The following GGT6 variants were observed in gnomAD, a reference collection of about 807,000 sequenced individuals.
GGT6 encodes gamma-glutamyltransferase 6.
A neutral mutation model predicts 17.0 loss-of-function variants in GGT6; 13 were observed. The ratio of observed to expected loss-of-function variants is 0.77; its 90% CI spans 0.50 to 1.22. GGT6 has a LOEUF of 1.22. Ranked by LOEUF, GGT6 falls within the 50% of genes most tolerant of loss-of-function variation. The probability of loss-of-function intolerance (pLI) is 0.00; values close to 1 mark genes in which losing one functional copy is unlikely to be tolerated. For missense variants in GGT6, 628 were observed against 643.7 expected, an observed-to-expected ratio of 0.98 and a Z score of 0.26; for synonymous variants, 305 against 297.9, an observed-to-expected ratio of 1.02 and a Z score of -0.25.
rs1908298645 is a variant in GGT6 at position 4,558,117 on chromosome 17, G to A, written c.1398C>T (p.Pro466=). Residue 466 remains proline (P), a synonymous_variant, in exon 4 of 4, where the codon CCC becomes CCT. Coordinates refer to ENST00000381550, the MANE Select transcript of GGT6 (RefSeq NM_001288702.2). ...GCAGGGTCCCTTGGCCACAAGTGCT[G>A]GGATGCTCTGTTGGTTCTTGCTGAC... ...HQGQQEPTEH[P]STCGQGTLLQ... The A allele has an allele frequency of 1.2e-6, 2 of 1,612,622 alleles. No individual in the cohort carries two copies. The highest frequency in any genetic ancestry group is 2.7e-5 in the African/African-American group (2 of 74,936).
At chr17:4,560,075 G>A in intron 1 of GGT6, 2 of 572,456 alleles carry the variant, frequency 3.5e-6, no homozygotes, top group Non-Finnish European at 6.2e-6. Context: ...GCCCAGCCAG[G>A]CGTAGTCAGG....
Position 4,558,326 on chromosome 17 carries a change from C to T in GGT6, c.1189G>A (p.Ala397Thr), listed in dbSNP as rs1254916955. 1.2e-6 allele frequency: 2 copies of T among 1,611,096 alleles called. No individual in the cohort carries two copies. The highest frequency in any genetic ancestry group is 2.2e-5 in the East Asian group (1 of 44,892). Residue 397 changes from alanine to threonine, a missense_variant, in exon 4 of 4, where the codon GCC becomes ACC. Ala to Thr is a moderately conservative substitution (Grantham distance 58). Coordinates refer to ENST00000381550, the MANE Select transcript of GGT6 (RefSeq NM_001288702.2). ...GCCCAGGCACTAGTGGTAGACTTGG[C>T]CACCAGGTTGCTGAGCAGAACCCCA... Reference protein sequence around the residue: ...STGVLLSNLVAKSTTSAWACP... With the variant: ...STGVLLSNLVTKSTTSAWACP...
intron 3 of GGT6, 116 bp from the exon 4 acceptor site, chr17:4,559,173 A>C: frequency 7.3e-7 from 1 of 1,372,564 alleles, no homozygotes; most frequent in East Asian, 2.5e-5. Context: ...CCTGAGGTCA[A>C]AGTTCCACAG....
At position 4,559,700 on chromosome 17, in the gene GGT6, C is replaced by T. The variant is rs1479929336; in HGVS notation, c.201G>A (p.Leu67=). ...TCACAGCCAGGGAGCAGCCAACAGC[C>T]AGCAGCAGCAGGGCTGCCACTACAC... ...WARVVAALLL[L]AVGCSLAVRQ... Residue 67 remains leucine (L), a synonymous_variant, in exon 2 of 4, where the codon CTG becomes CTA. Transcript: ENST00000381550. 10 of 1,610,206 alleles carry T rather than the reference C, an allele frequency of 6.2e-6. No homozygotes were observed. The highest frequency in any genetic ancestry group is 8.5e-6 in the Non-Finnish European group (10 of 1,178,530).
In GGT6 at chr17:4,560,374, T is replaced by C; in HGVS notation, c.140+8A>G. 6.2e-7 allele frequency: 1 copy of C among 1,614,056 alleles called. No individual in the cohort carries two copies. Among genetic ancestry groups the C allele is most frequent in the South Asian group, 1.1e-5 (1 of 91,082 alleles). ...GGAGCCTGGTGCCCAGACCCCTCCC[T>C]TACTTACCTGGAAGAGTCCTGGTGC... On this transcript the variant is annotated splice_region_variant and intron_variant, in intron 1 of 3. Transcript: ENST00000381550.
chr17:4,558,677 G>C lies in GGT6; in HGVS notation c.838C>G (p.Leu280Val). ...AGGTCTCCCGCCAGTAGACTCAGTAGAGCATCCCCAGCAAGGTCTGAGGTG... is the reference window on the plus strand; with the variant it reads ...AGGTCTCCCGCCAGTAGACTCAGTACAGCATCCCCAGCAAGGTCTGAGGTG... ...APTSDLAGDA[L>V]LSLLAGDLGV... is the part of the protein sequence containing the mutation. Residue 280 changes from leucine (L) to valine (V), a missense_variant, in exon 4 of 4, where the codon CTA becomes GTA. Coordinates refer to ENST00000381550, the MANE Select transcript of GGT6 (RefSeq NM_001288702.2). 6.2e-7 allele frequency: 1 copy of C among 1,604,272 alleles called. No individual in the cohort carries two copies. Among genetic ancestry groups the C allele is most frequent in the South Asian group, 1.1e-5 (1 of 89,142 alleles).
Position 4,559,771 on chromosome 17 carries a change from G to C in GGT6, c.141-11C>G, listed in dbSNP as rs781489485. The C allele has an allele frequency of 2.5e-5, 40 of 1,608,960 alleles. No individual in the cohort carries two copies. The African/African-American group carries it at 3.5e-4, about 14-fold the overall frequency. On this transcript the variant is annotated splice_polypyrimidine_tract_variant and intron_variant, in intron 1 of 3. Coordinates refer to ENST00000381550, the MANE Select transcript of GGT6 (RefSeq NM_001288702.2). Reference sequence around the variant, plus strand: ...CCGCCAGCCTTGTTCCTGCAGAGGGGGGGTGTCCTGAGCCACGGCTGGGAC... The same window carrying C: ...CCGCCAGCCTTGTTCCTGCAGAGGGCGGGTGTCCTGAGCCACGGCTGGGAC...
At position 4,559,243 on chromosome 17, in the gene GGT6, C is replaced by G. The variant is rs1012170703; in HGVS notation, c.457+100G>C. On this transcript the variant is annotated intron_variant, in intron 3 of 3. Coordinates refer to ENST00000381550, the MANE Select transcript of GGT6 (RefSeq NM_001288702.2). ...TGCTGCCCAAACCCTAAGTCCTGCT[C>G]ACTTAGCAGTCTTGAGGTCAGTGCT... 126 of 1,190,118 alleles carry G rather than the reference C, an allele frequency of 1.1e-4. 2 individuals carry two copies. In the South Asian group the frequency reaches 1.3e-3, roughly 12 times the overall value. The allele number at this position is 1,190,118 out of a possible 1,614,324, so 73.7% of individuals were successfully genotyped here. A position where few individuals can be genotyped will look rare whatever the true frequency, so the allele number is the denominator to read the frequency against.
At position 4,558,346 on chromosome 17, in the gene GGT6, A is replaced by G; in HGVS notation, c.1169T>C (p.Val390Ala). ...CTTGGCCACCAGGTTGCTGAGCAGA[A>G]CCCCAGTGCTTGGGGACAGGTGTGC... Reference protein sequence around the residue: ...GSAHLSPSTGVLLSNLVAKST... With the variant: ...GSAHLSPSTGALLSNLVAKST... The change falls in exon 4 of 4, where the codon GTT becomes GCT. Residue 390 changes from valine to alanine, a missense_variant. Val to Ala is a moderately conservative substitution (Grantham distance 64). Coordinates refer to ENST00000381550, the MANE Select transcript of GGT6 (RefSeq NM_001288702.2). 1 of 1,608,944 alleles carries G rather than the reference A, an allele frequency of 6.2e-7. No homozygotes were observed. The highest frequency in any genetic ancestry group is 8.5e-7 in the Non-Finnish European group (1 of 1,179,990).
rs1171364054 is a variant in GGT6 at position 4,560,461 on chromosome 17, C to G, written c.61G>C (p.Glu21Gln). ...QKLLPWEPSL[E>Q]SEEEVEEEET... ...TCCTCCTCCACTTCCTCCTCCGACT[C>G]CAAGCTTGGCTCCCAGGGCAGCAGC... Residue 21 changes from glutamate to glutamine, a missense_variant, in exon 1 of 4, where the codon GAG becomes CAG. Physicochemically the swap from Glu to Gln is conservative, Grantham distance 29. Transcript: ENST00000381550. 2 of 1,613,874 alleles carry G rather than the reference C, an allele frequency of 1.2e-6. No individual in the cohort carries two copies. Among genetic ancestry groups the G allele is most frequent in the Non-Finnish European group, 1.7e-6 (2 of 1,180,034 alleles).
Position 4,559,700 on chromosome 17 carries a change from C to A in GGT6, c.201G>T (p.Leu67=). ...WARVVAALLL[L]AVGCSLAVRQ... is the part of the protein sequence containing the mutation. ...TCACAGCCAGGGAGCAGCCAACAGC[C>A]AGCAGCAGCAGGGCTGCCACTACAC... The change falls in exon 2 of 4, where the codon CTG becomes CTT. Residue 67 remains leucine, a synonymous_variant. Coordinates refer to ENST00000381550, the MANE Select transcript of GGT6 (RefSeq NM_001288702.2). 6.2e-7 allele frequency: 1 copy of A among 1,610,206 alleles called. No individual in the cohort carries two copies. The highest frequency in any genetic ancestry group is 1.1e-5 in the South Asian group (1 of 91,034).
chr17:4,560,530 A>G lies in GGT6; in HGVS notation c.-9T>C, dbSNP rs753138319. On this transcript the variant is annotated 5_prime_UTR_variant, in exon 1 of 4. Coordinates refer to ENST00000381550, the MANE Select transcript of GGT6 (RefSeq NM_001288702.2). Reference sequence around the variant, plus strand: ...TCTTCTGCCCGCTCCATGGCCCCCCAGTGCTCGCCCCAGCCCTCCTGCCTG... The same window carrying G: ...TCTTCTGCCCGCTCCATGGCCCCCCGGTGCTCGCCCCAGCCCTCCTGCCTG... 5 of 1,608,374 alleles carry G rather than the reference A, an allele frequency of 3.1e-6. No homozygotes were observed. Among genetic ancestry groups the G allele is most frequent in the Non-Finnish European group, 4.2e-6 (5 of 1,179,926 alleles).
chr17:4,559,249 G>T, intron 3 of GGT6, 94 bp downstream of exon 3: 1 of 1,198,842 alleles, frequency 8.3e-7, no homozygotes, highest in Non-Finnish European at 1.2e-6. Flanking sequence ...TGCTCACTTA[G>T]CAGTCTTGAG....
At chr17:4,556,412 G>A (rs1293629034), downstream of GGT6, among the ~76,000 whole-genome samples, 1 of 152,150 alleles carries the variant, frequency 6.6e-6, no homozygotes, top group East Asian at 1.9e-4. Flanking sequence ...AAATAACTGG[G>A]TACATTGTGG....
At chr17:4,559,230 C>A in intron 3 of GGT6, 113 bp downstream of exon 3, 1 of 1,196,710 alleles carries the variant, frequency 8.4e-7, no homozygotes, top group Admixed American at 2.0e-5. Flanking sequence ...CTGCCCAAAC[C>A]CTAAGTCCTG....
rs1254888087 is a variant in GGT6 at position 4,558,401 on chromosome 17, T to C, written c.1114A>G (p.Thr372Ala). Reference sequence around the variant, plus strand: ...CCAAAGGAGCAGTTGAGCGAGGAGGTGAGAAGGAGCACAGAGCCGCTGCTG... The same window carrying C: ...CCAAAGGAGCAGTTGAGCGAGGAGGCGAGAAGGAGCACAGAGCCGCTGCTG... ...VDSSGSVLLL[T>A]SSLNCSFGSA... Residue 372 changes from threonine to alanine, a missense_variant, in exon 4 of 4, where the codon ACC (threonine) becomes GCC (alanine). By Grantham distance (58) the Thr-to-Ala change is moderately conservative. Transcript: ENST00000381550. 6.2e-7 allele frequency: 1 copy of C among 1,604,764 alleles called. No individual in the cohort carries two copies. The highest frequency in any genetic ancestry group is 1.7e-5 in the Admixed American group (1 of 59,978).
chr17:4,559,459 G>A lies in GGT6; in HGVS notation c.344-3C>T. ...TCGGCCTAGGTGGGAGCATGTGGCT[G>A]CAGCAAGGAAGGCACTGTCATGCAG... is the stretch of plus-strand genomic sequence containing the variant. On this transcript the variant is annotated splice_polypyrimidine_tract_variant and splice_region_variant and intron_variant, in intron 2 of 3. Transcript: ENST00000381550. 1 of 1,555,510 alleles carries A rather than the reference G, an allele frequency of 6.4e-7. No homozygotes were observed. The highest frequency in any genetic ancestry group is 8.7e-7 in the Non-Finnish European group (1 of 1,148,928).
At position 4,558,577 on chromosome 17, in the gene GGT6, A is replaced by C. The variant is rs752037664; in HGVS notation, c.938T>G (p.Ile313Ser). 1 of 1,566,292 alleles carries C rather than the reference A, an allele frequency of 6.4e-7. No individual in the cohort carries two copies. The highest frequency in any genetic ancestry group is 1.3e-5 in the African/African-American group (1 of 74,306). ...PAEQLPVPQG[I>S]LFTTPSPSAG... is the part of the protein sequence containing the mutation. ...TGAGGGACTGGGGGTGGTGAACAGG[A>C]TGCCCTGGGGCACAGGTAGCTGCTC... Residue 313 changes from isoleucine (I) to serine (S), a missense_variant, in exon 4 of 4, where the codon ATC becomes AGC. Physicochemically the swap from Ile to Ser is moderately radical, Grantham distance 142. Coordinates refer to ENST00000381550, the MANE Select transcript of GGT6 (RefSeq NM_001288702.2).
In GGT6 at chr17:4,557,297, G is replaced by A. The variant is rs2144527860; in HGVS notation, c.*718C>T. On this transcript the variant is annotated 3_prime_UTR_variant, in exon 4 of 4. Coordinates refer to ENST00000381550, the MANE Select transcript of GGT6 (RefSeq NM_001288702.2). ...AGGTTGGGGCCTGAGCCAGCAGTGA[G>A]CACATAATAAATCCTTTTTTTTTTT... 1 of 150,642 alleles carries A rather than the reference G, an allele frequency of 6.6e-6. No individual in the cohort carries two copies. The highest frequency in any genetic ancestry group is 3.4e-3 in the Middle Eastern group (1 of 292). The allele number at this position is 150,642 out of a possible 1,614,324, so 9.3% of individuals were successfully genotyped here. A position where few individuals can be genotyped will look rare whatever the true frequency, so the allele number is the denominator to read the frequency against.
Sources: gnomAD v4.1 joint callset for allele counts (sites outside exome capture counted in the v4.1 genomes callset) on GRCh38, gnomAD v4.1.1 for gene constraint, MANE v1.5 for transcripts, NCBI Gene and HGNC (gene_info 2026-07-23, HGNC 2026-07-21) for gene names.